The following PPP2R2A variants were observed in gnomAD, a reference collection of about 807,000 sequenced individuals.
PPP2R2A encodes the protein serine/threonine-protein phosphatase 2A 55 kDa regulatory subunit B alpha isoform.
In PPP2R2A, 9 loss-of-function variants were observed where a neutral mutation model predicts 53.2. That is an observed-to-expected ratio of 0.17 (90% CI 0.10 to 0.30). The LOEUF is 0.30. PPP2R2A is among the 10% of genes least tolerant of loss of function. PPP2R2A has a pLI of 1.00. For missense variants in PPP2R2A, 235 were observed against 534.6 expected, an observed-to-expected ratio of 0.44 and a Z score of 5.53; for synonymous variants, 169 against 174.2, an observed-to-expected ratio of 0.97 and a Z score of 0.23.
At chr8:26,341,454 A>G (rs980871447) in intron 3 of PPP2R2A, among the ~76,000 whole-genome samples, 6 of 152,362 alleles carry the variant, frequency 3.9e-5, no homozygotes, top group South Asian at 4.1e-4. Context: ...ATGAGATTTT[A>G]TGAATTCACA....
intron 4 of PPP2R2A, among the ~76,000 whole-genome samples, chr8:26,356,087 T>C (rs982123742): frequency 1.3e-5 from 2 of 152,200 alleles, no homozygotes; most frequent in Non-Finnish European, 1.5e-5. Context: ...AAAACTTTTT[T>C]GAGGTTGGTG....
intron 2 of PPP2R2A, among the ~76,000 whole-genome samples, chr8:26,320,800 G>C (rs191494356): frequency 6.6e-5 from 10 of 152,194 alleles, no homozygotes; most frequent in African/African-American, 2.2e-4. Context: ...AAATATCCTG[G>C]GGATTGATGG....
At chr8:26,305,926 A>G (rs755464498) in intron 2 of PPP2R2A, among the ~76,000 whole-genome samples, 4 of 152,252 alleles carry the variant, frequency 2.6e-5, no homozygotes, top group Middle Eastern at 6.8e-3. Flanking sequence ...ACTGCTTTCA[A>G]ATGGTCGTGA....
At chr8:26,310,280 CAAAA>C (rs1166591932) in intron 2 of PPP2R2A, among the ~76,000 whole-genome samples, 1 of 27,542 alleles carries the variant, frequency 3.6e-5, no homozygotes, top group Admixed American at 3.9e-4. Context: ...GACTCCCTCT[CAAAA>C]AAAAAAAAAA....
intron 3 of PPP2R2A, among the ~76,000 whole-genome samples, chr8:26,339,613 G>A (rs563022848): frequency 1.6e-3 from 248 of 152,136 alleles, no homozygotes; most frequent in African/African-American, 5.9e-3. Context: ...TAATTGACCA[G>A]ATTTCTCACT....
chr8:26,341,004 CTT>C (rs1175589826), intron 3 of PPP2R2A, among the ~76,000 whole-genome samples: 2 of 151,996 alleles, frequency 1.3e-5, no homozygotes, highest in African/African-American at 2.4e-5. Flanking sequence ...AGCAGAATAA[CTT>C]TTTGGGAAGG....
intron 2 of PPP2R2A, among the ~76,000 whole-genome samples, chr8:26,317,662 A>G (rs960133820): frequency 1.3e-5 from 2 of 152,242 alleles, no homozygotes; most frequent in African/African-American, 4.8e-5. Context: ...TTGAACCAGT[A>G]AAAGGAGACC....
intron 2 of PPP2R2A, among the ~76,000 whole-genome samples, chr8:26,311,525 C>T (rs1048846237): frequency 1.3e-5 from 2 of 151,976 alleles, no homozygotes; most frequent in African/African-American, 2.4e-5. Flanking sequence ...TGTGCTGAGC[C>T]GGGCACGGTG....
intron 3 of PPP2R2A, among the ~76,000 whole-genome samples, chr8:26,343,647 A>C (rs1302179664): frequency 1.4e-4 from 21 of 152,112 alleles, no homozygotes; most frequent in Admixed American, 1.4e-3. Context: ...TGGCCTCCCA[A>C]AGTGTTGAGC....
intron 2 of PPP2R2A, among the ~76,000 whole-genome samples, chr8:26,305,598 G>T (rs1022486970): frequency 7.2e-5 from 11 of 152,166 alleles, no homozygotes; most frequent in African/African-American, 2.7e-4. Context: ...GCACTGTGGA[G>T]AATGTGAAGG....
intron 3 of PPP2R2A, among the ~76,000 whole-genome samples, chr8:26,347,364 GCA>G (rs773491626): frequency 6.6e-6 from 1 of 151,320 alleles, no homozygotes; most frequent in Non-Finnish European, 1.5e-5. Flanking sequence ...TCTGAGCAAG[GCA>G]CAGTTTTCGT....
At chr8:26,345,101 G>A (rs1804144287) in intron 3 of PPP2R2A, among the ~76,000 whole-genome samples, 1 of 152,048 alleles carries the variant, frequency 6.6e-6, no homozygotes, top group African/African-American at 2.4e-5. Context: ...CTTGTGTCAT[G>A]TTGACAGTAA....
intron 9 of PPP2R2A, among the ~76,000 whole-genome samples, chr8:26,368,833 A>G (rs543843385): frequency 2.6e-5 from 4 of 152,216 alleles, no homozygotes; most frequent in Non-Finnish European, 4.4e-5. Context: ...TAGGCCGGGC[A>G]CGGTGGCTCA....
chr8:26,361,294 A>T (rs1340991578), intron 6 of PPP2R2A, 143 bp downstream of exon 6: 1 of 668,364 alleles, frequency 1.5e-6, no homozygotes, highest in African/African-American at 1.9e-5. Flanking sequence ...TTCTTTGTAG[A>T]TGAGTAATGA....
chr8:26,320,611 T>C (rs1802787465), intron 2 of PPP2R2A, among the ~76,000 whole-genome samples: 1 of 152,360 alleles, frequency 6.6e-6, no homozygotes, highest in East Asian at 1.9e-4. Context: ...TAGTTTATCC[T>C]GTCTGTGCAA....
At position 26,362,104 on chromosome 8, in the gene PPP2R2A, A is replaced by C; in HGVS notation, c.638-580A>C. Among the ~76,000 whole-genome samples the C allele has an allele frequency of 6.6e-6, 1 of 150,752 alleles. No individual in the cohort carries two copies. The highest frequency in any genetic ancestry group is 2.4e-5 in the African/African-American group (1 of 40,972). ...GATTAATAATTAGATTAGATTAGAA[A>C]AAGATTAGAAAAAGAAAGATTAAAG... On this transcript the variant is annotated intron_variant, in intron 6 of 9. Transcript: ENST00000380737. The surrounding 1 kb of genome is among the most constrained non-coding windows in gnomAD (Gnocchi z 4.4).
chr8:26,328,791 G>A (rs1421040463), intron 2 of PPP2R2A, among the ~76,000 whole-genome samples: 1 of 152,168 alleles, frequency 6.6e-6, no homozygotes, highest in Non-Finnish European at 1.5e-5. Flanking sequence ...GGGGTTAAGA[G>A]TGATGATTAT....
At chr8:26,367,153 T>C (rs956398674) in intron 9 of PPP2R2A, among the ~76,000 whole-genome samples, 1 of 152,196 alleles carries the variant, frequency 6.6e-6, no homozygotes, top group African/African-American at 2.4e-5. Flanking sequence ...TTACAGAGGA[T>C]AATAGAACTT....
intron 2 of PPP2R2A, among the ~76,000 whole-genome samples, chr8:26,326,212 T>G (rs1486557054): frequency 1.3e-5 from 2 of 152,226 alleles, no homozygotes; most frequent in Non-Finnish European, 2.9e-5. Context: ...CTATCATTGC[T>G]AAACTGGGAT....
Sources: allele counts gnomAD v4.1 joint callset (sites outside exome capture counted in the v4.1 genomes callset), GRCh38; gene constraint gnomAD v4.1.1; non-coding constraint Gnocchi (gnomAD v3.1); transcripts MANE v1.5; gene names NCBI Gene and HGNC (gene_info 2026-07-23, HGNC 2026-07-21).